The following HPSE2 variants were observed in gnomAD, a reference collection of about 807,000 sequenced individuals.
HPSE2 encodes heparanase 2 (inactive).
A neutral mutation model predicts 60.5 loss-of-function variants in HPSE2; 38 were observed. The observed-to-expected ratio is 0.63, with a 90% CI of 0.48 to 0.82. The LOEUF (loss-of-function observed/expected upper bound fraction) is 0.82. Ranked by LOEUF, HPSE2 falls within the 40% of genes least tolerant of loss-of-function variation. The pLI is 0.00. For missense variants in HPSE2, 713 were observed against 740.4 expected, an observed-to-expected ratio of 0.96 and a Z score of 0.43; for synonymous variants, 295 against 293.2, an observed-to-expected ratio of 1.01 and a Z score of -0.06.
At chr10:98,723,901 T>C (rs1469335850) in intron 4 of HPSE2, among the ~76,000 whole-genome samples, 2 of 152,134 alleles carry the variant, frequency 1.3e-5, no homozygotes, top group African/African-American at 2.4e-5. Flanking sequence ...TTTGTTGATC[T>C]TTTCAAAAAA....
chr10:98,492,241 G>A (rs977673025), intron 9 of HPSE2, among the ~76,000 whole-genome samples: 1 of 152,136 alleles, frequency 6.6e-6, no homozygotes, highest in Non-Finnish European at 1.5e-5. Context: ...GGTGGCTCAC[G>A]CCTATAATCC....
chr10:99,006,483 G>A (rs1055352779), intron 3 of HPSE2, among the ~76,000 whole-genome samples: 9 of 152,200 alleles, frequency 5.9e-5, no homozygotes, highest in African/African-American at 2.4e-5. Context: ...AGCCTGAAAA[G>A]GGGCTGCAAC....
At chr10:98,467,813 C>T (rs575210672) in intron 11 of HPSE2, among the ~76,000 whole-genome samples, 4 of 152,392 alleles carry the variant, frequency 2.6e-5, no homozygotes, top group Admixed American at 2.6e-4. Context: ...TCGTTGCGGT[C>T]CCGTTGGCAA....
chr10:98,880,614 T>C (rs12254075), intron 3 of HPSE2, among the ~76,000 whole-genome samples: 21,722 of 151,998 alleles, frequency 0.14, 2,231 homozygotes, highest in African/African-American at 0.28. Flanking sequence ...TGACTCCATA[T>C]GCCCTGCTTC....
At chr10:99,159,009 G>T in intron 2 of HPSE2, among the ~76,000 whole-genome samples, 1 of 151,982 alleles carries the variant, frequency 6.6e-6, no homozygotes, top group East Asian at 1.9e-4. Flanking sequence ...TTTAAACAGT[G>T]CTTAGAGAGA....
At chr10:99,269,559 G>A in the HPSE2 span, among the ~76,000 whole-genome samples, 1 of 152,150 alleles carries the variant, frequency 6.6e-6, no homozygotes, top group South Asian at 2.1e-4. Context: ...AAGACAGAAA[G>A]TCAACAAAGA....
chr10:98,693,487 A>T (rs1948132163), intron 6 of HPSE2, among the ~76,000 whole-genome samples: 1 of 152,212 alleles, frequency 6.6e-6, no homozygotes, highest in South Asian at 2.1e-4. Flanking sequence ...GACCACTGAC[A>T]TTAATATAAC....
intron 2 of HPSE2, among the ~76,000 whole-genome samples, chr10:99,212,851 A>G (rs1010007974): frequency 1.3e-5 from 2 of 152,186 alleles, no homozygotes; most frequent in African/African-American, 4.8e-5. Context: ...GAGCCATTCC[A>G]CAAGGTATAC....
intron 3 of HPSE2, among the ~76,000 whole-genome samples, chr10:98,869,152 T>C (rs898298247): frequency 6.6e-6 from 1 of 152,182 alleles, no homozygotes; most frequent in African/African-American, 2.4e-5. Flanking sequence ...TAGTGATTTT[T>C]TTTTGTCTGC....
At chr10:99,250,888 T>C in the HPSE2 span, among the ~76,000 whole-genome samples, 1 of 152,214 alleles carries the variant, frequency 6.6e-6, no homozygotes. Context: ...TAGCACTAAA[T>C]AGCTACCACA....
chr10:98,626,098 T>A (rs1217418381), intron 7 of HPSE2, among the ~76,000 whole-genome samples: 1 of 136,754 alleles, frequency 7.3e-6, no homozygotes, highest in African/African-American at 2.8e-5. Context: ...AGAGCGAGAC[T>A]CCGTCTCAAA....
At chr10:98,860,120 T>C (rs570110134) in intron 3 of HPSE2, among the ~76,000 whole-genome samples, 1 of 152,300 alleles carries the variant, frequency 6.6e-6, no homozygotes, top group South Asian at 2.1e-4. Flanking sequence ...AATGTATCCC[T>C]CATGGATAAG....
chr10:98,560,465 C>T (rs1944139570), intron 9 of HPSE2, among the ~76,000 whole-genome samples: 1 of 152,240 alleles, frequency 6.6e-6, no homozygotes, highest in African/African-American at 2.4e-5. Context: ...CATGGCCTGC[C>T]ACTCCCTTGG....
At chr10:98,974,743 T>C (rs1003962534) in intron 3 of HPSE2, among the ~76,000 whole-genome samples, 2 of 152,304 alleles carry the variant, frequency 1.3e-5, no homozygotes, top group African/African-American at 4.8e-5. Flanking sequence ...ATTATATTGA[T>C]GGAAGACACA....
intron 3 of HPSE2, among the ~76,000 whole-genome samples, chr10:99,007,784 G>A (rs1169619473): frequency 1.3e-5 from 2 of 152,174 alleles, no homozygotes; most frequent in Non-Finnish European, 2.9e-5. Context: ...AGGGCCTTTA[G>A]AGTCTAGCCC....
chr10:98,513,440 C>T (rs956503116), intron 9 of HPSE2, among the ~76,000 whole-genome samples: 13 of 152,192 alleles, frequency 8.5e-5, no homozygotes, highest in South Asian at 2.1e-4. Context: ...AATGGAGACC[C>T]GTGAAGCCCT....
chr10:99,047,843 ATTTG>A (rs1957892288), intron 3 of HPSE2: 1 of 787,232 alleles, frequency 1.3e-6, no homozygotes. Flanking sequence ...CAGAACTGAA[ATTTG>A]AATGGCGAGG....
At chr10:98,722,719 C>T (rs939340016) in intron 4 of HPSE2, among the ~76,000 whole-genome samples, 1 of 152,128 alleles carries the variant, frequency 6.6e-6, no homozygotes, top group African/African-American at 2.4e-5. Flanking sequence ...AAACGAGCAG[C>T]TCCACAGCTG....
chr10:99,073,244 G>A (rs1842855364), intron 3 of HPSE2, among the ~76,000 whole-genome samples: 1 of 152,134 alleles, frequency 6.6e-6, no homozygotes, highest in Non-Finnish European at 1.5e-5. Flanking sequence ...ATCAATGATA[G>A]ACTGGACAAA....
Sources: gnomAD v4.1 joint callset for allele counts (sites outside exome capture counted in the v4.1 genomes callset) on GRCh38, gnomAD v4.1.1 for gene constraint, MANE v1.5 for transcripts, NCBI Gene and HGNC (gene_info 2026-07-23, HGNC 2026-07-21) for gene names.